USP38: variants seen among roughly 807,000 people sequenced by gnomAD.
USP38 encodes the protein ubiquitin carboxyl-terminal hydrolase 38.
USP38 carries 49 observed loss-of-function variants against 94.3 expected under a neutral mutation model. The observed-to-expected ratio is 0.52, with a 90% CI of 0.41 to 0.66. The LOEUF (loss-of-function observed/expected upper bound fraction) is 0.66, where lower values mean the gene tolerates loss of function less well. Among genes scored for constraint, USP38 ranks in the 30% least tolerant of loss-of-function variants. USP38 has a pLI of 0.00. For missense variants in USP38, 1,128 were observed against 1,229.4 expected (o/e 0.92, Z 1.23); for synonymous variants, 468 against 463.6 (o/e 1.01, Z -0.12).
intron 1 of USP38, among the ~76,000 whole-genome samples, 176 bp downstream of exon 1, chr4:143,186,308 G>A (rs1731223165): frequency 1.3e-5 from 2 of 152,090 alleles, no homozygotes; most frequent in Non-Finnish European, 2.9e-5. Context: ...ACGTCACATC[G>A]TACTTTAAAA....
At chr4:143,194,728 G>A (rs971197255) in intron 2 of USP38, among the ~76,000 whole-genome samples, 1 of 152,052 alleles carries the variant, frequency 6.6e-6, no homozygotes, top group African/African-American at 2.4e-5. Flanking sequence ...GGCTGGTCTC[G>A]AACTTCTGAC....
In USP38 at chr4:143,207,216, AT is replaced by A. The variant is rs1731892412; in HGVS notation, c.1403+991del. 2.0e-5 allele frequency among the ~76,000 whole-genome samples: 3 copies of A among 152,226 alleles called. No individual in the cohort carries two copies. The South Asian group carries it at 6.2e-4, about 32-fold the overall frequency. On this transcript the variant is annotated intron_variant, in intron 6 of 9. Coordinates refer to ENST00000307017, the MANE Select transcript of USP38 (RefSeq NM_032557.6). ...AAGTTCTAAGCTTTTCCAAGTTGTT[AT>A]GCCTGCCCAGAGGAATCATAAACTA...
At position 143,186,028 on chromosome 4, in the gene USP38, C is replaced by A. The variant is rs762753709; in HGVS notation, c.578C>A (p.Ser193Tyr). 2 of 1,614,206 alleles carry A rather than the reference C, an allele frequency of 1.2e-6. No individual in the cohort carries two copies. The highest frequency in any genetic ancestry group is 1.3e-5 in the African/African-American group (1 of 75,050). ...TQERELREYV[S>Y]QVTKVSNLLQ... The stretch of plus-strand genomic sequence containing the variant: ...GAAAGAGAGCTGCGGGAATATGTCT[C>A]CCAGGTGACAAAAGTGAGTAACTTG... The change falls in exon 1 of 10, where the codon TCC becomes TAC. Residue 193 changes from serine to tyrosine, a missense_variant. By Grantham distance (144) the Ser-to-Tyr change is moderately radical. Coordinates refer to ENST00000307017, the MANE Select transcript of USP38 (RefSeq NM_032557.6).
intron 5 of USP38, among the ~76,000 whole-genome samples, chr4:143,205,795 G>A (rs1474521663): frequency 1.3e-5 from 2 of 152,056 alleles, no homozygotes; most frequent in Non-Finnish European, 2.9e-5. Flanking sequence ...TGAATTTCCA[G>A]CTTTTGAGTA....
intron 4 of USP38, among the ~76,000 whole-genome samples, chr4:143,201,824 A>C (rs550701736): frequency 6.6e-6 from 1 of 152,308 alleles, no homozygotes; most frequent in South Asian, 2.1e-4. Context: ...AGAAACATTT[A>C]GTTTCACTTA....
chr4:143,194,560 T>G (rs946756295), intron 2 of USP38, among the ~76,000 whole-genome samples: 2 of 152,058 alleles, frequency 1.3e-5, no homozygotes, highest in Non-Finnish European at 2.9e-5. Flanking sequence ...CAGGCTGGAG[T>G]GCAGTGGCGT....
At chr4:143,194,920 G>A (rs774941652) in intron 2 of USP38, among the ~76,000 whole-genome samples, 64 of 151,034 alleles carry the variant, frequency 4.2e-4, no homozygotes, top group Non-Finnish European at 5.9e-4. Flanking sequence ...CACTAAATTG[G>A]GTAATTTAAT....
chr4:143,186,728 A>T (rs1254117119), intron 1 of USP38, among the ~76,000 whole-genome samples: 1 of 152,338 alleles, frequency 6.6e-6, no homozygotes, highest in Non-Finnish European at 1.5e-5. Context: ...TTTTGTGCCC[A>T]TGAACTGCAT....
intron 7 of USP38, among the ~76,000 whole-genome samples, chr4:143,211,534 C>T (rs1277716648): frequency 6.6e-6 from 1 of 152,148 alleles, no homozygotes; most frequent in Non-Finnish European, 1.5e-5. Flanking sequence ...GCTAAACTTC[C>T]TTCCTTCAGA....
In USP38 at chr4:143,222,197, G is replaced by C. The variant is rs1448740069; in HGVS notation, c.*1741G>C. 6.6e-6 allele frequency: 1 copy of C among 151,976 alleles called. No homozygotes were observed. The highest frequency in any genetic ancestry group is 1.5e-5 in the Non-Finnish European group (1 of 67,928). 9.4% of individuals were successfully genotyped at this position (151,976 alleles called of 1,614,324 possible). A position where few individuals can be genotyped will look rare whatever the true frequency, so the allele number is the denominator to read the frequency against. On this transcript the variant is annotated 3_prime_UTR_variant, in exon 10 of 10. Transcript: ENST00000307017. ...TCATAAAAGCAATTATACTTGTGCA[G>C]CTTTATCTATGAATATCAGGTCTCT...
At chr4:143,219,457 G>T in intron 9 of USP38, among the ~76,000 whole-genome samples, 1 of 152,014 alleles carries the variant, frequency 6.6e-6, no homozygotes, top group East Asian at 1.9e-4. Flanking sequence ...TTGAAAAATC[G>T]AAATAATAGT....
At position 143,214,493 on chromosome 4, in the gene USP38, C is replaced by T; in HGVS notation, c.2517C>T (p.Pro839=). The T allele has an allele frequency of 6.2e-7, 1 of 1,613,356 alleles. No homozygotes were observed. The highest frequency in any genetic ancestry group is 8.5e-7 in the Non-Finnish European group (1 of 1,179,724). The change falls in exon 9 of 10, where the codon CCC becomes CCT. Residue 839 remains proline, a synonymous_variant. Coordinates refer to ENST00000307017, the MANE Select transcript of USP38 (RefSeq NM_032557.6). ...AAGCTTCCTGCACAAAATTGGTGCC[C>T]TATCTATTAAGTTCCGTTGTGGTTC... ...TDEASCTKLV[P]YLLSSVVVHS...
In USP38 at chr4:143,207,549, A is replaced by AAG. The variant is rs530142564; in HGVS notation, c.1403+1335_1403+1336dup. On this transcript the variant is annotated intron_variant, in intron 6 of 9. Coordinates refer to ENST00000307017, the MANE Select transcript of USP38 (RefSeq NM_032557.6). ...TGAGACTCCATCTAAAAAAGAAAGA[A>AAG]AGAGAGAGAGAGAAGAATTTGCTTT... is the stretch of plus-strand genomic sequence containing the variant. Among the ~76,000 whole-genome samples, 437 of 152,102 alleles carry AAG rather than the reference A, an allele frequency of 2.9e-3. 2 individuals are homozygous for AAG. The highest frequency in any genetic ancestry group is 9.8e-3 in the African/African-American group (406 of 41,524).
chr4:143,211,717 GAA>G (rs1287345866), intron 7 of USP38, among the ~76,000 whole-genome samples: 1 of 152,086 alleles, frequency 6.6e-6, no homozygotes, highest in Non-Finnish European at 1.5e-5. Context: ...TCTAGGATTT[GAA>G]CCTGGTTCAC....
At chr4:143,208,345 T>C (rs1300896257) in intron 6 of USP38, among the ~76,000 whole-genome samples, 1 of 152,172 alleles carries the variant, frequency 6.6e-6, no homozygotes, top group Non-Finnish European at 1.5e-5. Context: ...AACATCTCTC[T>C]GCCCTTATAC....
intron 2 of USP38, among the ~76,000 whole-genome samples, chr4:143,190,749 A>C (rs1451581544): frequency 6.6e-6 from 1 of 152,016 alleles, no homozygotes; most frequent in African/African-American, 2.4e-5. Flanking sequence ...TCCTCGTTGC[A>C]CAGTTTTTTA....
chr4:143,210,579 C>T (rs569302523), intron 7 of USP38, among the ~76,000 whole-genome samples: 1 of 150,446 alleles, frequency 6.6e-6, no homozygotes, highest in East Asian at 1.9e-4. Flanking sequence ...AGAGTGAGCC[C>T]CTGTCTCAAA....
chr4:143,187,822 A>G lies in USP38; in HGVS notation c.683-4A>G, dbSNP rs773314069. ...TTCCCTTTTCTTTTTAATTGAAAAAACAGATGCATCATTTGAACCTTCTGT... is the reference window on the plus strand; with the variant it reads ...TTCCCTTTTCTTTTTAATTGAAAAAGCAGATGCATCATTTGAACCTTCTGT... On this transcript the variant is annotated splice_region_variant and splice_polypyrimidine_tract_variant and intron_variant, in intron 1 of 9. Coordinates refer to ENST00000307017, the MANE Select transcript of USP38 (RefSeq NM_032557.6). 1.9e-6 allele frequency: 3 copies of G among 1,604,750 alleles called. No homozygotes were observed. The highest frequency in any genetic ancestry group is 2.2e-5 in the East Asian group (1 of 44,696).
intron 1 of USP38, 78 bp from the exon 2 acceptor site, chr4:143,187,748 T>A: frequency 6.8e-7 from 1 of 1,469,722 alleles, no homozygotes; most frequent in South Asian, 1.4e-5. Context: ...ATGACTTTTT[T>A]TTTTTGTAAA....
Sources: allele counts gnomAD v4.1 joint callset (sites outside exome capture counted in the v4.1 genomes callset), GRCh38; gene constraint gnomAD v4.1.1; transcripts MANE v1.5; gene names NCBI Gene and HGNC (gene_info 2026-07-23, HGNC 2026-07-21).